HDLBP: variants seen among roughly 807,000 people sequenced by gnomAD.
HDLBP encodes the protein vigilin.
HDLBP carries 30 observed loss-of-function variants against 137.3 expected under a neutral mutation model. The ratio of observed to expected loss-of-function variants is 0.22; its 90% CI spans 0.16 to 0.30. The LOEUF is 0.30. Ranked by LOEUF, HDLBP falls within the 10% of genes least tolerant of loss-of-function variation. HDLBP has a pLI of 1.00. For synonymous variants in HDLBP, 606 were observed against 596.0 expected (o/e 1.02, Z -0.24); for missense variants, 1,119 against 1,667.3 (o/e 0.67, Z 5.73).
intron 21 of HDLBP, chr2:241,236,205 A>C (rs1312385368): frequency 8.4e-6 from 2 of 237,592 alleles, no homozygotes; most frequent in Non-Finnish European, 1.6e-5. Context: ...CACTGAGAGC[A>C]GCATCCAGTA....
rs376215704 is a variant in HDLBP at position 241,230,798 on chromosome 2, G to A, written c.3435C>T (p.Ala1145=). 13 of 1,614,098 alleles carry A rather than the reference G, an allele frequency of 8.1e-6. No individual in the cohort carries two copies. Among genetic ancestry groups the A allele is most frequent in the Non-Finnish European group, 1.1e-5 (13 of 1,180,040 alleles). Residue 1145 remains alanine, a synonymous_variant, in exon 25 of 28, where the codon GCC becomes GCT. Transcript: ENST00000310931. The surrounding 1 kb of genome is among the most constrained non-coding windows in gnomAD (Gnocchi z 5.0). ...DHRVHARIIG[A]RGKAIRKIMD... ...TGATTTTGCGAATGGCTTTGCCGCG[G>A]GCACCAATGATGCGGGCGTGAACGC...
At chr2:241,262,974 G>T in intron 4 of HDLBP, 48 bp from the exon 5 acceptor site, 1 of 1,428,442 alleles carries the variant, frequency 7.0e-7, no homozygotes, top group Non-Finnish European at 9.9e-7. Flanking sequence ...TTAAAAGAAG[G>T]CCAACAGATA....
chr2:241,283,515 C>T (rs2074691576), intron 1 of HDLBP, among the ~76,000 whole-genome samples: 1 of 151,124 alleles, frequency 6.6e-6, no homozygotes, highest in Admixed American at 6.6e-5. Flanking sequence ...CGCTCTATGG[C>T]CCAGGCTGGA....
chr2:241,291,239 G>GATT (rs761387040), intron 1 of HDLBP, among the ~76,000 whole-genome samples: 1 of 152,184 alleles, frequency 6.6e-6, no homozygotes, highest in Admixed American at 6.5e-5. Context: ...TGAACTGACT[G>GATT]ATATATAAAC....
chr2:241,295,080 C>A (rs539933901), intron 1 of HDLBP, among the ~76,000 whole-genome samples: 1 of 151,958 alleles, frequency 6.6e-6, no homozygotes, highest in Non-Finnish European at 1.5e-5. Context: ...CCAGCCTGGG[C>A]GACAGAGCAA....
Position 241,238,741 on chromosome 2 carries a change from C to G in HDLBP, c.2657G>C (p.Arg886Pro). 4 of 1,576,360 alleles carry G rather than the reference C, an allele frequency of 2.5e-6. No homozygotes were observed. Among genetic ancestry groups the G allele is most frequent in the Non-Finnish European group, 2.6e-6 (3 of 1,152,666 alleles). The change falls in exon 20 of 28, where the codon CGA becomes CCA. Residue 886 changes from arginine to proline, a missense_variant. Physicochemically the swap from Arg to Pro is moderately radical, Grantham distance 103. This residue lies in a region of HDLBP where 618 missense variants were observed against 816.7 expected (regional missense o/e 0.76). Coordinates refer to ENST00000310931, the MANE Select transcript of HDLBP (RefSeq NM_005336.6). This position sits in a 1 kb window ranked among gnomAD's most constrained non-coding sequence, Gnocchi z 4.9. ...GGAACCTTTGGGGCCCATGACAGAT[C>G]GATGGAATTTCTGGGGTATAGCACA... The part of the protein sequence containing the change: ...LECAIPQKFH[R>P]SVMGPKGSRI...
chr2:241,301,923 T>C (rs1265672959), intron 1 of HDLBP, among the ~76,000 whole-genome samples: 1 of 151,942 alleles, frequency 6.6e-6, no homozygotes, highest in Non-Finnish European at 1.5e-5. Context: ...AAAACCTCAA[T>C]TTCAAAAATG....
At chr2:241,310,901 G>A (rs965412983) in intron 1 of HDLBP, among the ~76,000 whole-genome samples, 1 of 152,146 alleles carries the variant, frequency 6.6e-6, no homozygotes, top group Non-Finnish European at 1.5e-5. Context: ...AATCACTTGA[G>A]GCCAGGAGTT....
intron 1 of HDLBP, among the ~76,000 whole-genome samples, chr2:241,301,925 T>A (rs1010715513): frequency 6.6e-6 from 1 of 151,872 alleles, no homozygotes; most frequent in African/African-American, 2.4e-5. Flanking sequence ...AACCTCAATT[T>A]CAAAAATGGT....
intron 1 of HDLBP, among the ~76,000 whole-genome samples, chr2:241,311,493 A>G (rs1170966655): frequency 6.6e-6 from 1 of 152,242 alleles, no homozygotes; most frequent in Non-Finnish European, 1.5e-5. Context: ...TTACAGGAAG[A>G]TTTCAGGCAC....
Position 241,233,771 on chromosome 2 carries a change from A to T in HDLBP, c.3288+49T>A. Reference sequence around the variant, plus strand: ...GGTTACTGCTCCCAAGTCACAGGAAAGGTCAACAAGCACCTCTGCCCCCGA... The same window carrying T: ...GGTTACTGCTCCCAAGTCACAGGAATGGTCAACAAGCACCTCTGCCCCCGA... On this transcript the variant is annotated intron_variant, in intron 24 of 27. Coordinates refer to ENST00000310931, the MANE Select transcript of HDLBP (RefSeq NM_005336.6). The surrounding 1 kb of genome is among the most constrained non-coding windows in gnomAD (Gnocchi z 4.3). 6.2e-7 allele frequency: 1 copy of T among 1,609,602 alleles called. No homozygotes were observed. The highest frequency in any genetic ancestry group is 1.1e-5 in the South Asian group (1 of 90,756).
At chr2:241,310,028 T>G (rs2075714444) in intron 1 of HDLBP, among the ~76,000 whole-genome samples, 2 of 152,010 alleles carry the variant, frequency 1.3e-5, no homozygotes, top group East Asian at 3.9e-4. Context: ...CATCACTGCA[T>G]AGCCCAGAAA....
At chr2:241,247,910 C>G in intron 14 of HDLBP, 93 bp downstream of exon 14, 1 of 841,584 alleles carries the variant, frequency 1.2e-6, no homozygotes, top group Non-Finnish European at 2.0e-6. Context: ...TTCCCCAGAG[C>G]AGGGGTCCTG....
At chr2:241,286,951 A>AC (rs1391006919) in intron 1 of HDLBP, among the ~76,000 whole-genome samples, 4 of 151,496 alleles carry the variant, frequency 2.6e-5, no homozygotes, top group Non-Finnish European at 5.9e-5. Context: ...GTTTCCAAAA[A>AC]AAAAAAAAAA....
chr2:241,272,925 C>A lies in HDLBP; in HGVS notation c.-102-4384G>T. ...CCCGCCCGCCCCGCCGCTGGGGTCC[C>A]CGCCGCCCCGGGCCGCCCAGCACCC... On this transcript the variant is annotated intron_variant, in intron 1 of 27. Transcript: ENST00000310931. The surrounding 1 kb of genome is among the most constrained non-coding windows in gnomAD (Gnocchi z 5.6). The A allele has an allele frequency of 1.3e-6, 1 of 787,866 alleles. No individual in the cohort carries two copies. Among genetic ancestry groups the A allele is most frequent in the South Asian group, 5.6e-5 (1 of 17,736 alleles). 48.8% of individuals were successfully genotyped at this position (787,866 alleles called of 1,614,324 possible).
rs757484265 is a variant in HDLBP, at chr2:241,230,510, C to T, written c.3475-241G>A. Among the ~76,000 whole-genome samples, 1 of 152,244 alleles carries T rather than the reference C, an allele frequency of 6.6e-6. No individual in the cohort carries two copies. The highest frequency in any genetic ancestry group is 2.4e-5 in the African/African-American group (1 of 41,464). On this transcript the variant is annotated intron_variant, in intron 25 of 27. Coordinates refer to ENST00000310931, the MANE Select transcript of HDLBP (RefSeq NM_005336.6). The surrounding 1 kb of genome is among the most constrained non-coding windows in gnomAD (Gnocchi z 5.0). The stretch of plus-strand genomic sequence containing the variant: ...TGTGCGCTCTTGCATGAAATTCCCA[C>T]CCACAGAGGACGAGCTCGCCAGGCA...
intron 4 of HDLBP, among the ~76,000 whole-genome samples, chr2:241,263,206 GAA>G (rs1356483834): frequency 6.6e-6 from 1 of 152,242 alleles, no homozygotes; most frequent in East Asian, 1.9e-4. Flanking sequence ...GAGTTTGAGA[GAA>G]AGTGGGAGGT....
At chr2:241,312,463 T>C (rs1312922929) in intron 1 of HDLBP, among the ~76,000 whole-genome samples, 2 of 152,238 alleles carry the variant, frequency 1.3e-5, no homozygotes, top group African/African-American at 2.4e-5. Flanking sequence ...TTTCTTGGTT[T>C]CCAGATGTTG....
At position 241,312,603 on chromosome 2, in the gene HDLBP, C is replaced by T. The variant is rs557478368; in HGVS notation, c.-103+2967G>A. Reference sequence around the variant, plus strand: ...TGGACTTTGTGTCATCATAACTTGGCAATTGGGAAAGCCGCATGATATGCT... The same window carrying T: ...TGGACTTTGTGTCATCATAACTTGGTAATTGGGAAAGCCGCATGATATGCT... On this transcript the variant is annotated intron_variant, in intron 1 of 27. Coordinates refer to ENST00000310931, the MANE Select transcript of HDLBP (RefSeq NM_005336.6). Among the ~76,000 whole-genome samples the T allele has an allele frequency of 5.3e-5, 8 of 152,236 alleles. No homozygotes were observed. The South Asian group carries it at 1.7e-3, about 32-fold the overall frequency.
Sources: gnomAD v4.1 joint callset for allele counts (sites outside exome capture counted in the v4.1 genomes callset) on GRCh38, gnomAD v4.1.1 for gene constraint, gnomAD v4.1.1 regional missense constraint, Gnocchi (gnomAD v3.1) non-coding constraint, MANE v1.5 for transcripts, NCBI Gene and HGNC (gene_info 2026-07-23, HGNC 2026-07-21) for gene names.